The following RNF212 variants were observed in gnomAD, a reference collection of about 807,000 sequenced individuals.
The protein encoded by RNF212 is ring finger protein 212.
A neutral mutation model predicts 34.7 loss-of-function variants in RNF212; 33 were observed. That is an observed-to-expected ratio of 0.95 (90% confidence interval 0.72 to 1.27). The LOEUF (loss-of-function observed/expected upper bound fraction) is 1.27, where lower values mean the gene tolerates loss of function less well. Ranked by LOEUF, RNF212 falls within the 50% of genes most tolerant of loss-of-function variation. RNF212 has a pLI of 0.00. For missense variants in RNF212, 377 were observed against 362.2 expected (o/e 1.04, Z -0.33); for synonymous variants, 140 against 136.1 (o/e 1.03, Z -0.20).
intron 2 of RNF212, among the ~76,000 whole-genome samples, chr4:1,098,394 G>A (rs1281645396): frequency 1.3e-5 from 2 of 152,196 alleles, no homozygotes; most frequent in East Asian, 3.9e-4. Flanking sequence ...CCAAAGCCTG[G>A]GGCAGGTGCA....
intron 9 of RNF212, 82 bp downstream of exon 9, chr4:1,073,517 G>T: frequency 1.8e-6 from 2 of 1,111,624 alleles, no homozygotes; most frequent in Non-Finnish European, 2.8e-6. Context: ...GGTTCTGACA[G>T]CTTTGATTAA....
chr4:1,090,580 C>T (rs1722030968), intron 4 of RNF212, among the ~76,000 whole-genome samples: 1 of 152,150 alleles, frequency 6.6e-6, no homozygotes, highest in Non-Finnish European at 1.5e-5. Flanking sequence ...CAAGGGGCTA[C>T]TTGGTAACTA....
In RNF212 at chr4:1,113,362, C is replaced by A. The variant is rs993885644; in HGVS notation, c.103G>T (p.Gly35Cys). ...CGHVYCDACLGKGKKNECLIC... is the reference protein window; with the variant it reads ...CGHVYCDACLCKGKKNECLIC... Reference sequence around the variant, plus strand: ...GCGTTCGGGAAGCCCTGACCTTTGCCGAGGCAGGCGTCGCAGTACACGTGC... The same window carrying A: ...GCGTTCGGGAAGCCCTGACCTTTGCAGAGGCAGGCGTCGCAGTACACGTGC... Residue 35 changes from glycine (G) to cysteine (C), a missense_variant, in exon 1 of 10, where the codon GGC becomes TGC. By Grantham distance (159) the Gly-to-Cys change is radical. Coordinates refer to ENST00000433731, the MANE Select transcript of RNF212 (RefSeq NM_001131034.4). 6 of 1,575,032 alleles carry A rather than the reference C, an allele frequency of 3.8e-6. No homozygotes were observed. The African/African-American group carries it at 4.4e-5, about 11-fold the overall frequency.
intron 1 of RNF212, among the ~76,000 whole-genome samples, chr4:1,111,950 T>G (rs529224326): frequency 2.0e-5 from 3 of 152,238 alleles, no homozygotes; most frequent in African/African-American, 7.2e-5. Flanking sequence ...ATGATAAACT[T>G]TGCTAATCCC....
At chr4:1,107,055 CA>C (rs1724939634) in intron 2 of RNF212, among the ~76,000 whole-genome samples, 1 of 151,680 alleles carries the variant, frequency 6.6e-6, no homozygotes, top group Admixed American at 6.6e-5. Context: ...GAGAAGATAC[CA>C]TTTTTTTTTT....
At chr4:1,061,152 C>T (rs1394387796) in intron 3 of RNF212, among the ~76,000 whole-genome samples, 1 of 152,178 alleles carries the variant, frequency 6.6e-6, no homozygotes, top group African/African-American at 2.4e-5. Context: ...AGGGTGAATA[C>T]AGACACAAAA....
chr4:1,109,132 C>T (rs1488287621), intron 1 of RNF212, among the ~76,000 whole-genome samples: 1 of 151,948 alleles, frequency 6.6e-6, no homozygotes, highest in African/African-American at 2.4e-5. Flanking sequence ...CTCAGGCTCC[C>T]AAGTGACTGG....
chr4:1,089,999 G>A (rs1721927640), intron 4 of RNF212, among the ~76,000 whole-genome samples: 1 of 151,732 alleles, frequency 6.6e-6, no homozygotes, highest in Non-Finnish European at 1.5e-5. Flanking sequence ...GTAGGGGTGA[G>A]GGGTGACAGG....
chr4:1,076,120 G>A (rs572188446), intron 8 of RNF212, among the ~76,000 whole-genome samples: 4 of 152,146 alleles, frequency 2.6e-5, no homozygotes, highest in Non-Finnish European at 5.9e-5. Context: ...AAATTATCCC[G>A]CCAAGCCAGA....
intron 2 of RNF212, among the ~76,000 whole-genome samples, chr4:1,105,823 T>G (rs1724728138): frequency 6.6e-6 from 1 of 152,220 alleles, no homozygotes; most frequent in Admixed American, 6.5e-5. Flanking sequence ...CCATAGAGAC[T>G]TAAGGCTGTG....
chr4:1,093,611 C>T (rs554769483), intron 3 of RNF212: 7 of 1,535,922 alleles, frequency 4.6e-6, no homozygotes, highest in Middle Eastern at 3.3e-4. Context: ...AGGGGCTGGC[C>T]GGGTCTGCTG....
At chr4:1,106,607 G>A (rs746953562) in intron 2 of RNF212, among the ~76,000 whole-genome samples, 2 of 152,166 alleles carry the variant, frequency 1.3e-5, no homozygotes, top group East Asian at 1.9e-4. Flanking sequence ...AGAAAGACAC[G>A]GATGGTCTTA....
chr4:1,086,446 T>G (rs1464680600), intron 4 of RNF212, among the ~76,000 whole-genome samples: 1 of 150,760 alleles, frequency 6.6e-6, no homozygotes. Flanking sequence ...CTGGGAGGAT[T>G]AGGAGACAAC....
chr4:1,081,839 G>T, intron 5 of RNF212: 1 of 544,258 alleles, frequency 1.8e-6, no homozygotes, highest in South Asian at 2.1e-5. Flanking sequence ...ACACCCCACT[G>T]CCATTTACAT....
Position 1,090,427 on chromosome 4 carries a change from T to A in RNF212, c.303+355A>T, listed in dbSNP as rs897150908. On this transcript the variant is annotated intron_variant, in intron 4 of 9. Transcript: ENST00000433731. ...CGACTACATAACCTTCAAAGTTTTT[T>A]AAAAAGGACTTGTTTTTCAAAATGG... Among the ~76,000 whole-genome samples the A allele has an allele frequency of 3.9e-4, 59 of 152,312 alleles. 1 individual carries two copies. The highest frequency in any genetic ancestry group is 1.3e-3 in the African/African-American group (53 of 41,562).
downstream of RNF212, among the ~76,000 whole-genome samples, chr4:1,069,899 AGAG>A (rs1221638556): frequency 6.6e-6 from 1 of 152,278 alleles, no homozygotes; most frequent in Non-Finnish European, 1.5e-5. Flanking sequence ...ATTCTTGACC[AGAG>A]GAGAAGAAAA....
rs534020879 is a variant in RNF212 at position 1,106,026 on chromosome 4, A to T, written c.171+2317T>A. On this transcript the variant is annotated intron_variant, in intron 2 of 9. Coordinates refer to ENST00000433731, the MANE Select transcript of RNF212 (RefSeq NM_001131034.4). Reference sequence around the variant, plus strand: ...GGGGACTTTGGCGCTTACTCCTGGAAAGTTGGGATGCATTTAAGCAGATCC... The same window carrying T: ...GGGGACTTTGGCGCTTACTCCTGGATAGTTGGGATGCATTTAAGCAGATCC... Among the ~76,000 whole-genome samples, 29 of 152,322 alleles carry T rather than the reference A, an allele frequency of 1.9e-4. No individual in the cohort carries two copies. In the South Asian group the frequency reaches 5.8e-3, roughly 30 times the overall value.
chr4:1,075,072 C>T (rs1237169341), intron 8 of RNF212, among the ~76,000 whole-genome samples: 1 of 152,226 alleles, frequency 6.6e-6, no homozygotes, highest in Non-Finnish European at 1.5e-5. Flanking sequence ...TGCTGTCTGA[C>T]AGCTGTGAGT....
chr4:1,108,914 TG>T (rs955360671), intron 1 of RNF212, among the ~76,000 whole-genome samples: 18 of 152,026 alleles, frequency 1.2e-4, no homozygotes, highest in African/African-American at 4.3e-4. Context: ...TTGCCCACAC[TG>T]GGCTCGAACT....
Sources: gnomAD v4.1 joint callset for allele counts (sites outside exome capture counted in the v4.1 genomes callset) on GRCh38, gnomAD v4.1.1 for gene constraint, MANE v1.5 for transcripts, NCBI Gene and HGNC (gene_info 2026-07-23, HGNC 2026-07-21) for gene names.